GPR176: variants seen among roughly 807,000 people sequenced by gnomAD.
GPR176 encodes the protein G-protein coupled receptor 176.
GPR176 carries 26 observed loss-of-function variants against 35.4 expected under a neutral mutation model. The observed-to-expected ratio is 0.74, with a 90% CI of 0.54 to 1.02. The LOEUF is 1.02. Ranked by LOEUF, GPR176 falls within the 50% of genes least tolerant of loss-of-function variation. The pLI, the probability that GPR176 is intolerant of heterozygous loss-of-function variation, is 0.00. For synonymous variants in GPR176, 278 were observed against 271.3 expected (o/e 1.02, Z -0.24); for missense variants, 597 against 665.3 (o/e 0.90, Z 1.13).
chr15:39,804,428 T>C (rs1404571905), intron 2 of GPR176, among the ~76,000 whole-genome samples: 1 of 152,236 alleles, frequency 6.6e-6, no homozygotes, highest in Non-Finnish European at 1.5e-5. Context: ...AGGACTTGTT[T>C]TACTTTTTAA....
rs148879748 is a variant in GPR176 at position 39,904,108 on chromosome 15, C to T, written c.172+15747G>A. ...ACTGGTGGGAGTGTAGCAGTGAATA[C>T]GGCCAGAGGTCACTCTCGTTGTCAT... On this transcript the variant is annotated intron_variant, in intron 1 of 2. Transcript: ENST00000561100. Among the ~76,000 whole-genome samples, 189 of 152,284 alleles carry T rather than the reference C, an allele frequency of 1.2e-3. 1 individual carries two copies. Among genetic ancestry groups the T allele is most frequent in the Non-Finnish European group, 2.4e-3 (164 of 68,012 alleles).
chr15:39,866,278 T>C (rs192074074), intron 1 of GPR176, among the ~76,000 whole-genome samples: 1 of 152,318 alleles, frequency 6.6e-6, no homozygotes, highest in East Asian at 1.9e-4. Flanking sequence ...TGGACTTTTC[T>C]AATTATCCCT....
chr15:39,910,093 G>C (rs550690497), intron 1 of GPR176, among the ~76,000 whole-genome samples: 1 of 152,312 alleles, frequency 6.6e-6, no homozygotes, highest in South Asian at 2.1e-4. Context: ...AGGAGGAAGG[G>C]ATGTGCTGAG....
At position 39,801,503 on chromosome 15, in the gene GPR176, T is replaced by C. The variant is rs767413254; in HGVS notation, c.1177A>G (p.Lys393Glu). 3 of 1,614,170 alleles carry C rather than the reference T, an allele frequency of 1.9e-6. No individual in the cohort carries two copies. In the Admixed American group the frequency reaches 5.0e-5, roughly 27 times the overall value. ...TGGAAGTCAGCTGAGCCAATGTACT[T>C]GGCCTCACTCTCTTCCTCATCCTCT... is the stretch of plus-strand genomic sequence containing the variant. The part of the protein sequence containing the change: ...PTEDEEESEA[K>E]YIGSADFQAK... Residue 393 changes from lysine to glutamate, a missense_variant, in exon 3 of 3, where the codon AAG (lysine) becomes GAG (glutamate). By Grantham distance (56) the Lys-to-Glu change is moderately conservative (BLOSUM62 1). This residue lies in a region of GPR176 where 251 missense variants were observed against 255.4 expected (regional missense o/e 0.98). Coordinates refer to ENST00000561100, the MANE Select transcript of GPR176 (RefSeq NM_007223.3).
intron 1 of GPR176, among the ~76,000 whole-genome samples, chr15:39,820,397 G>A (rs1900194680): frequency 6.6e-6 from 1 of 152,186 alleles, no homozygotes; most frequent in Non-Finnish European, 1.5e-5. Context: ...GAGCCAGCCA[G>A]CTCAATAAGA....
chr15:39,876,073 T>C (rs919317093), intron 1 of GPR176, among the ~76,000 whole-genome samples: 1 of 151,170 alleles, frequency 6.6e-6, no homozygotes, highest in African/African-American at 2.4e-5. Flanking sequence ...ATCACTAGAG[T>C]CCAGGAGTTT....
chr15:39,815,946 C>T (rs1052869039), intron 1 of GPR176, among the ~76,000 whole-genome samples: 1 of 152,124 alleles, frequency 6.6e-6, no homozygotes, highest in African/African-American at 2.4e-5. Flanking sequence ...CATATATACA[C>T]AACAGAATAC....
At position 39,802,138 on chromosome 15, in the gene GPR176, G is replaced by C. The variant is rs1416138077; in HGVS notation, c.542C>G (p.Thr181Ser). 3.7e-6 allele frequency: 6 copies of C among 1,614,074 alleles called. No homozygotes were observed. The highest frequency in any genetic ancestry group is 5.1e-6 in the Non-Finnish European group (6 of 1,180,044). ...VVASVPVFAVTNVADIYATST... is the reference protein window; with the variant it reads ...VVASVPVFAVSNVADIYATST... ...CGTGGCATAGATGTCAGCCACATTG[G>C]TTACTGCAAACACAGGGACACTGGC... Residue 181 changes from threonine to serine, a missense_variant, in exon 3 of 3, where the codon ACC becomes AGC. Around this residue, in one of 3 missense-constraint regions of GPR176, gnomAD observed 220 missense variants for 297.6 expected, o/e 0.74. Transcript: ENST00000561100.
chr15:39,833,410 A>G (rs1023773218), intron 1 of GPR176, among the ~76,000 whole-genome samples: 5 of 152,242 alleles, frequency 3.3e-5, no homozygotes, highest in African/African-American at 9.6e-5. Flanking sequence ...AAAAGGCCAC[A>G]TATTGTACAA....
chr15:39,895,706 G>T (rs1469190673), intron 1 of GPR176, among the ~76,000 whole-genome samples: 1 of 151,914 alleles, frequency 6.6e-6, no homozygotes. Context: ...TAATGATATG[G>T]TATGGACACT....
intron 1 of GPR176, among the ~76,000 whole-genome samples, chr15:39,872,899 T>C (rs1477964041): frequency 1.3e-5 from 2 of 149,132 alleles, no homozygotes; most frequent in African/African-American, 5.0e-5. Flanking sequence ...TGGGGACAAA[T>C]ATCCAAAATA....
intron 1 of GPR176, among the ~76,000 whole-genome samples, chr15:39,869,152 T>TAA (rs66463189): frequency 1.4e-3 from 183 of 129,992 alleles, no homozygotes; most frequent in African/African-American, 3.8e-3. Flanking sequence ...AACTGCTTTT[T>TAA]AAAAAAAAAA....
chr15:39,800,169 T>A lies in GPR176; in HGVS notation c.*963A>T, dbSNP rs1898764419. On this transcript the variant is annotated 3_prime_UTR_variant, in exon 3 of 3. Coordinates refer to ENST00000561100, the MANE Select transcript of GPR176 (RefSeq NM_007223.3). Reference sequence around the variant, plus strand: ...CCCAGCTTACACTAACTCTCCATTTTAAAAATACCTTTTAATTCCTAAAGT... The same window carrying A: ...CCCAGCTTACACTAACTCTCCATTTAAAAAATACCTTTTAATTCCTAAAGT... 6.6e-6 allele frequency: 1 copy of A among 152,192 alleles called. No homozygotes were observed. The highest frequency in any genetic ancestry group is 2.4e-5 in the African/African-American group (1 of 41,444). 9.4% of individuals were successfully genotyped at this position (152,192 alleles called of 1,614,324 possible).
intron 1 of GPR176, chr15:39,829,322 A>C: frequency 7.3e-7 from 1 of 1,362,848 alleles, no homozygotes; most frequent in Non-Finnish European, 9.5e-7. Flanking sequence ...ATGAGGTCAC[A>C]AAGAATGCCA....
chr15:39,867,517 G>A (rs1420570616), intron 1 of GPR176, among the ~76,000 whole-genome samples: 2 of 152,162 alleles, frequency 1.3e-5, no homozygotes, highest in Admixed American at 6.5e-5. Flanking sequence ...GCTGGGAAAC[G>A]CCTCAAAGGC....
At chr15:39,900,549 G>A (rs1160708608) in intron 1 of GPR176, among the ~76,000 whole-genome samples, 3 of 152,158 alleles carry the variant, frequency 2.0e-5, no homozygotes, top group African/African-American at 4.8e-5. Context: ...ACGTACTCCC[G>A]TTGTCCATAT....
At position 39,801,086 on chromosome 15, in the gene GPR176, G is replaced by A. The variant is rs977353538; in HGVS notation, c.*46C>T. 6.0e-6 allele frequency: 9 copies of A among 1,500,690 alleles called. No homozygotes were observed. Among genetic ancestry groups the A allele is most frequent in the Non-Finnish European group, 8.1e-6 (9 of 1,106,002 alleles). The allele number at this position is 1,500,690 out of a possible 1,614,324, so 93.0% of individuals were successfully genotyped here. A position where few individuals can be genotyped will look rare whatever the true frequency, so the allele number is the denominator to read the frequency against. ...GGCCACAGCATTCCCACACTCTGGTGGGAATATGGAAGCTCCCCGTTGCTT... is the reference window on the plus strand; with the variant it reads ...GGCCACAGCATTCCCACACTCTGGTAGGAATATGGAAGCTCCCCGTTGCTT... On this transcript the variant is annotated 3_prime_UTR_variant, in exon 3 of 3. Coordinates refer to ENST00000561100, the MANE Select transcript of GPR176 (RefSeq NM_007223.3).
In GPR176 at chr15:39,802,107, G is replaced by A. The variant is rs1341925065; in HGVS notation, c.573C>T (p.Thr191=). ...TNVADIYATS[T]CTEVWSNSLG... ...AGGAGTTGCTCCAGACTTCCGTGCAGGTGGACGTGGCATAGATGTCAGCCA... is the reference window on the plus strand; with the variant it reads ...AGGAGTTGCTCCAGACTTCCGTGCAAGTGGACGTGGCATAGATGTCAGCCA... The change falls in exon 3 of 3, where the codon ACC becomes ACT. Residue 191 remains threonine, a synonymous_variant. Transcript: ENST00000561100. The A allele has an allele frequency of 6.2e-7, 1 of 1,614,186 alleles. No individual in the cohort carries two copies. The highest frequency in any genetic ancestry group is 1.1e-5 in the South Asian group (1 of 91,086).
intron 1 of GPR176, among the ~76,000 whole-genome samples, chr15:39,808,293 C>A (rs1306699622): frequency 6.6e-6 from 1 of 152,210 alleles, no homozygotes; most frequent in African/African-American, 2.4e-5. Flanking sequence ...GGTTTACCTA[C>A]TCCGATGCCT....
Sources: allele counts gnomAD v4.1 joint callset (sites outside exome capture counted in the v4.1 genomes callset), GRCh38; gene constraint gnomAD v4.1.1; regional missense constraint gnomAD v4.1.1; transcripts MANE v1.5; gene names NCBI Gene and HGNC (gene_info 2026-07-23, HGNC 2026-07-21).